CES5A: variants seen among roughly 807,000 people sequenced by gnomAD.
CES5A encodes carboxylesterase 5A, also known as carboxylesterase 5.
CES5A carries 67 observed loss-of-function variants against 62.9 expected under a neutral mutation model. That is an observed-to-expected ratio of 1.07 (90% CI 0.88 to 1.31). CES5A has a LOEUF of 1.31. CES5A is among the 50% of genes most tolerant of loss of function. The probability of loss-of-function intolerance (pLI) is 0.00; values close to 1 mark genes in which losing one functional copy is unlikely to be tolerated. For synonymous variants in CES5A, 296 were observed against 280.8 expected (o/e 1.05, Z -0.54); for missense variants, 748 against 708.5 (o/e 1.06, Z -0.63).
At position 55,875,331 on chromosome 16, in the gene CES5A, A is replaced by C; in HGVS notation, c.-110T>G. On this transcript the variant is annotated 5_prime_UTR_variant, in exon 1 of 13. Coordinates refer to ENST00000290567, the MANE Select transcript of CES5A (RefSeq NM_001143685.2). ...GTTAACAGGCAAATGCTGAATAGGCAGGCAGAGGCAGCAGAGTTACTGAAG... is the reference window on the plus strand; with the variant it reads ...GTTAACAGGCAAATGCTGAATAGGCCGGCAGAGGCAGCAGAGTTACTGAAG... 1.3e-6 allele frequency: 2 copies of C among 1,515,942 alleles called. No individual in the cohort carries two copies. Among genetic ancestry groups the C allele is most frequent in the South Asian group, 2.6e-5 (2 of 75,518 alleles). 93.9% of individuals were successfully genotyped at this position (1,515,942 alleles called of 1,614,324 possible).
chr16:55,931,286 G>T (rs2031502781), intron 2 of CES5A, among the ~76,000 whole-genome samples: 1 of 152,156 alleles, frequency 6.6e-6, no homozygotes, highest in Non-Finnish European at 1.5e-5. Context: ...AATGGAGTTG[G>T]GAGCCATGGA....
At chr16:55,878,518 G>A (rs1380696679), upstream of CES5A, among the ~76,000 whole-genome samples, 1 of 151,702 alleles carries the variant, frequency 6.6e-6, no homozygotes, top group Admixed American at 6.6e-5. Flanking sequence ...TTTCTCATCT[G>A]GCTCCATTCT....
chr16:55,903,750 C>G (rs1417216654), intron 1 of CES5A, among the ~76,000 whole-genome samples: 2 of 152,192 alleles, frequency 1.3e-5, no homozygotes, highest in Non-Finnish European at 2.9e-5. Context: ...CTTTCTAGCT[C>G]AGATCCTCTT....
intron 6 of CES5A, among the ~76,000 whole-genome samples, chr16:55,861,738 T>C (rs1419992761): frequency 6.6e-6 from 1 of 152,168 alleles, no homozygotes; most frequent in Non-Finnish European, 1.5e-5. Context: ...TTGTCATCTT[T>C]AGTAAACACC....
intron 1 of CES5A, among the ~76,000 whole-genome samples, chr16:55,904,181 T>C (rs1467797328): frequency 6.6e-6 from 1 of 152,222 alleles, no homozygotes; most frequent in African/African-American, 2.4e-5. Flanking sequence ...TCCTGGAATT[T>C]AATTTATCTG....
chr16:55,898,758 G>A (rs2033960281), intron 1 of CES5A, among the ~76,000 whole-genome samples: 1 of 152,216 alleles, frequency 6.6e-6, no homozygotes, highest in South Asian at 2.1e-4. Flanking sequence ...GGGAGAGGCT[G>A]AGGGCCTTCT....
chr16:55,923,187 A>C (rs2034225846), intron 1 of CES5A, among the ~76,000 whole-genome samples: 1 of 151,690 alleles, frequency 6.6e-6, no homozygotes, highest in African/African-American at 2.4e-5. Context: ...ATCAGAGCAG[A>C]AATAAATGAA....
chr16:55,928,923 A>G (rs2034283517), upstream of CES5A, among the ~76,000 whole-genome samples: 1 of 152,066 alleles, frequency 6.6e-6, no homozygotes, highest in South Asian at 2.1e-4. Context: ...ACCTCACATC[A>G]TGGGAAGGTC....
At chr16:55,855,977 T>C (rs12925824) in intron 9 of CES5A, among the ~76,000 whole-genome samples, 56,429 of 151,792 alleles carry the variant, frequency 0.37, 13,164 homozygotes, top group African/African-American at 0.66. Context: ...AGAGTTCTCA[T>C]GAGATTTGGT....
At chr16:55,943,516 T>C (rs2034465449) in intron 2 of CES5A, among the ~76,000 whole-genome samples, 2 of 152,230 alleles carry the variant, frequency 1.3e-5, no homozygotes. Context: ...TCCTCAATTC[T>C]CACCACATTA....
At chr16:55,858,975 T>C (rs1265529171) in intron 8 of CES5A, among the ~76,000 whole-genome samples, 1 of 152,190 alleles carries the variant, frequency 6.6e-6, no homozygotes, top group African/African-American at 2.4e-5. Context: ...TCTGAAATCA[T>C]CTTCTCAATC....
chr16:55,881,175 C>G (rs1192793145), intron 1 of CES5A, among the ~76,000 whole-genome samples: 1 of 152,160 alleles, frequency 6.6e-6, no homozygotes, highest in Admixed American at 6.5e-5. Context: ...AATGCATAGA[C>G]TTGACCTGTG....
intron 2 of CES5A, among the ~76,000 whole-genome samples, chr16:55,948,404 A>G (rs1184246933): frequency 6.6e-6 from 1 of 152,164 alleles, no homozygotes; most frequent in Non-Finnish European, 1.5e-5. Context: ...CACTTTACAT[A>G]AGATAAAGTA....
intron 1 of CES5A, among the ~76,000 whole-genome samples, chr16:55,894,783 T>C (rs1312912070): frequency 6.6e-6 from 1 of 152,192 alleles, no homozygotes; most frequent in Non-Finnish European, 1.5e-5. Flanking sequence ...TTTAGTTCCA[T>C]GGCAGTTTTG....
intron 1 of CES5A, among the ~76,000 whole-genome samples, chr16:55,891,716 C>T (rs1430635097): frequency 6.6e-6 from 1 of 152,126 alleles, no homozygotes; most frequent in African/African-American, 2.4e-5. Context: ...CTAAACAGTT[C>T]CCAGCTTGAA....
At chr16:55,883,953 A>G (rs1314199476) in intron 1 of CES5A, among the ~76,000 whole-genome samples, 1 of 152,154 alleles carries the variant, frequency 6.6e-6, no homozygotes, top group Non-Finnish European at 1.5e-5. Context: ...CCACTCTAAC[A>G]GGGGGGTCAT....
chr16:55,898,809 C>T (rs1226380465), intron 1 of CES5A, among the ~76,000 whole-genome samples: 1 of 152,096 alleles, frequency 6.6e-6, no homozygotes, highest in Non-Finnish European at 1.5e-5. Flanking sequence ...CATGGTGGTC[C>T]CAACCCTGAG....
chr16:55,875,945 C>T (rs2033686712), upstream of CES5A, among the ~76,000 whole-genome samples: 1 of 152,196 alleles, frequency 6.6e-6, no homozygotes, highest in Non-Finnish European at 1.5e-5. Context: ...TTGCCAACAC[C>T]ACCACCCCCA....
At chr16:55,944,459 AC>A in intron 2 of CES5A, 1 of 181,794 alleles carries the variant, frequency 5.5e-6, no homozygotes, top group Non-Finnish European at 1.2e-5. Context: ...GTGCAGTGCC[AC>A]TCAGACCACT....
Sources: gnomAD v4.1 joint callset for allele counts (sites outside exome capture counted in the v4.1 genomes callset) on GRCh38, gnomAD v4.1.1 for gene constraint, MANE v1.5 for transcripts, NCBI Gene and HGNC (gene_info 2026-07-23, HGNC 2026-07-21) for gene names.